The following ADGRB3 variants were observed in gnomAD, a reference collection of about 807,000 sequenced individuals.
The protein encoded by ADGRB3 is brain-specific angiogenesis inhibitor 3.
In ADGRB3, 37 loss-of-function variants were observed where a neutral mutation model predicts 193.4. The observed-to-expected ratio is 0.19, with a 90% CI of 0.15 to 0.25. The LOEUF is 0.25. Ranked by LOEUF, ADGRB3 falls within the 10% of genes least tolerant of loss-of-function variation. The pLI, the probability that ADGRB3 is intolerant of heterozygous loss-of-function variation, is 1.00. For missense variants in ADGRB3, 1,637 were observed against 1,852.9 expected, an observed-to-expected ratio of 0.88 and a Z score of 2.14; for synonymous variants, 690 against 644.2, an observed-to-expected ratio of 1.07 and a Z score of -1.08.
chr6:68,772,784 G>A lies in ADGRB3; in HGVS notation c.757+133352G>A, dbSNP rs1457826215. Reference sequence around the variant, plus strand: ...TGTAATTCCAGCACTTTGGAAGGCCGAGGTGGGCACATCACTTGAGCCCAG... The same window carrying A: ...TGTAATTCCAGCACTTTGGAAGGCCAAGGTGGGCACATCACTTGAGCCCAG... On this transcript the variant is annotated intron_variant, in intron 3 of 31. Transcript: ENST00000370598. Among the ~76,000 whole-genome samples, 9 of 150,116 alleles carry A rather than the reference G, an allele frequency of 6.0e-5. No homozygotes were observed. In the East Asian group the frequency reaches 9.9e-4, roughly 16 times the overall value.
chr6:69,074,596 A>G (rs984521198), intron 16 of ADGRB3, among the ~76,000 whole-genome samples: 4 of 145,312 alleles, frequency 2.8e-5, no homozygotes, highest in Non-Finnish European at 5.9e-5. Context: ...GCTGGAGTGC[A>G]GTGGCACGAT....
chr6:69,180,783 C>G (rs371014088), intron 17 of ADGRB3, among the ~76,000 whole-genome samples: 2 of 152,188 alleles, frequency 1.3e-5, no homozygotes, highest in Non-Finnish European at 2.9e-5. Context: ...GGCCCCTACC[C>G]GACTCCAGAG....
chr6:68,746,339 T>A (rs991733577), intron 3 of ADGRB3, among the ~76,000 whole-genome samples: 10 of 152,088 alleles, frequency 6.6e-5, no homozygotes, highest in Non-Finnish European at 1.2e-4. Context: ...CTTGTTTGTA[T>A]CCTTAATTTA....
intron 17 of ADGRB3, among the ~76,000 whole-genome samples, chr6:69,084,452 T>A (rs986574250): frequency 6.6e-6 from 1 of 152,184 alleles, no homozygotes; most frequent in African/African-American, 2.4e-5. Context: ...AAAACTGGCT[T>A]TGTTCATAGG....
At chr6:69,024,736 A>T (rs1227727595) in intron 13 of ADGRB3, among the ~76,000 whole-genome samples, 2 of 152,226 alleles carry the variant, frequency 1.3e-5, no homozygotes, top group Non-Finnish European at 2.9e-5. Flanking sequence ...TGAAAGCATT[A>T]AAGTAAGATA....
intron 20 of ADGRB3, among the ~76,000 whole-genome samples, chr6:69,265,303 G>A (rs2127275896): frequency 6.6e-6 from 1 of 151,986 alleles, no homozygotes; most frequent in East Asian, 1.9e-4. Flanking sequence ...GGTGAACAGG[G>A]ATGATTTGAC....
intron 3 of ADGRB3, among the ~76,000 whole-genome samples, chr6:68,702,856 A>C (rs1006556740): frequency 6.6e-6 from 1 of 152,190 alleles, no homozygotes; most frequent in African/African-American, 2.4e-5. Context: ...ACTGAAATAT[A>C]AAATATGTAG....
intron 8 of ADGRB3, among the ~76,000 whole-genome samples, chr6:68,958,609 A>G (rs1768142642): frequency 6.6e-6 from 1 of 152,144 alleles, no homozygotes; most frequent in African/African-American, 2.4e-5. Context: ...AAGATAGTGT[A>G]CCTTATTTGC....
intron 8 of ADGRB3, among the ~76,000 whole-genome samples, chr6:68,962,740 C>T (rs1257390094): frequency 6.6e-6 from 1 of 151,622 alleles, no homozygotes; most frequent in Admixed American, 6.6e-5. Context: ...ACTTTTAAAC[C>T]TTTTTTGAGC....
At chr6:69,188,086 G>C (rs1765105683) in intron 17 of ADGRB3, among the ~76,000 whole-genome samples, 1 of 152,056 alleles carries the variant, frequency 6.6e-6, no homozygotes. Context: ...TCTATTCTCA[G>C]ATAACTGTTA....
chr6:69,173,289 C>G (rs781021163), intron 17 of ADGRB3, among the ~76,000 whole-genome samples: 1 of 152,220 alleles, frequency 6.6e-6, no homozygotes, highest in Non-Finnish European at 1.5e-5. Context: ...CCACCCACCT[C>G]GGCCTCCCAA....
chr6:69,175,059 G>T (rs1351040895), intron 17 of ADGRB3, among the ~76,000 whole-genome samples: 1 of 152,100 alleles, frequency 6.6e-6, no homozygotes, highest in Non-Finnish European at 1.5e-5. Flanking sequence ...TCTGTAGGTT[G>T]TCTGTTTACA....
intron 3 of ADGRB3, among the ~76,000 whole-genome samples, chr6:68,802,954 C>T (rs572490787): frequency 1.3e-5 from 2 of 152,168 alleles, no homozygotes; most frequent in South Asian, 4.2e-4. Context: ...TGTCATCTAC[C>T]TCGACTTATC....
At chr6:68,827,939 C>A (rs1767876837) in intron 3 of ADGRB3, among the ~76,000 whole-genome samples, 3 of 152,128 alleles carry the variant, frequency 2.0e-5, no homozygotes, top group Admixed American at 1.3e-4. Flanking sequence ...GCCTTCATAG[C>A]ACTTCTCACA....
chr6:69,221,935 A>G (rs1287207692), intron 17 of ADGRB3, among the ~76,000 whole-genome samples: 1 of 152,182 alleles, frequency 6.6e-6, no homozygotes, highest in Non-Finnish European at 1.5e-5. Flanking sequence ...GCTGATCCCA[A>G]AAGATTTGGT....
At chr6:69,345,718 C>G (rs1314347203) in intron 26 of ADGRB3, among the ~76,000 whole-genome samples, 1 of 152,024 alleles carries the variant, frequency 6.6e-6, no homozygotes, top group East Asian at 1.9e-4. Flanking sequence ...CCTCTCTCAC[C>G]ACTCCTATTC....
Position 68,772,895 on chromosome 6 carries a change from ATATATATAT to A in ADGRB3, c.757+133464_757+133472del, listed in dbSNP as rs1473356340. ...CAAACAAACAAACAAAAAAAAAAAA[ATATATATAT>A]ATATATATATATATATATATATATA... is the stretch of plus-strand genomic sequence containing the variant. On this transcript the variant is annotated intron_variant, in intron 3 of 31. Coordinates refer to ENST00000370598, the MANE Select transcript of ADGRB3 (RefSeq NM_001704.3). Among the ~76,000 whole-genome samples, 111 of 33,332 alleles carry A rather than the reference ATATATATAT, an allele frequency of 3.3e-3. 1 individual carries two copies. Among genetic ancestry groups the A allele is most frequent in the East Asian group, 0.02 (5 of 256 alleles). The allele number at this position is 33,332 out of a possible 152,430, so 21.9% of individuals were successfully genotyped here. A position where few individuals can be genotyped will look rare whatever the true frequency, so the allele number is the denominator to read the frequency against.
At chr6:68,840,688 A>AAAAC (rs139446106) in intron 3 of ADGRB3, among the ~76,000 whole-genome samples, 9,903 of 151,380 alleles carry the variant, frequency 0.065, 431 homozygotes, top group African/African-American at 0.12. Context: ...GAGGATCACA[A>AAAAC]AAACAAACAA....
intron 11 of ADGRB3, among the ~76,000 whole-genome samples, chr6:69,006,816 GCTTT>G (rs1315620526): frequency 1.3e-5 from 2 of 151,882 alleles, no homozygotes; most frequent in Admixed American, 6.6e-5. Context: ...TGTCTTTCCT[GCTTT>G]CTTTCTTACT....
Sources: allele counts gnomAD v4.1 joint callset (sites outside exome capture counted in the v4.1 genomes callset), GRCh38; gene constraint gnomAD v4.1.1; transcripts MANE v1.5; gene names NCBI Gene and HGNC (gene_info 2026-07-23, HGNC 2026-07-21).